The following STOX1 variants were observed in gnomAD, a reference collection of about 807,000 sequenced individuals.
STOX1 encodes storkhead-box protein 1.
STOX1 carries 57 observed loss-of-function variants against 74.8 expected under a neutral mutation model. The observed-to-expected ratio is 0.76, with a 90% CI of 0.62 to 0.95. The LOEUF is 0.95. STOX1 is among the 40% of genes least tolerant of loss of function. The pLI is 0.00. For missense variants in STOX1, 1,010 were observed against 1,117.0 expected, an observed-to-expected ratio of 0.90 and a Z score of 1.37; for synonymous variants, 375 against 401.3, an observed-to-expected ratio of 0.93 and a Z score of 0.78.
chr10:68,863,059 CAGAT>C (rs1341187271), intron 1 of STOX1, among the ~76,000 whole-genome samples: 3 of 152,072 alleles, frequency 2.0e-5, no homozygotes, highest in South Asian at 2.1e-4. Context: ...CTTTCCCAAA[CAGAT>C]AGGCCGATGT....
At chr10:68,831,345 C>T (rs1316356381) in intron 1 of STOX1, among the ~76,000 whole-genome samples, 1 of 152,022 alleles carries the variant, frequency 6.6e-6, no homozygotes, top group Non-Finnish European at 1.5e-5. Context: ...CGCCACCATG[C>T]CCAGCTAATT....
intron 1 of STOX1, among the ~76,000 whole-genome samples, chr10:68,840,016 GC>G (rs1194651699): frequency 6.6e-6 from 1 of 152,152 alleles, no homozygotes; most frequent in African/African-American, 2.4e-5. Flanking sequence ...AGGATAGAGA[GC>G]CCAGAAATAA....
chr10:68,888,627 A>ATTTTT (rs747038041), intron 3 of STOX1, among the ~76,000 whole-genome samples: 46 of 107,818 alleles, frequency 4.3e-4, no homozygotes, highest in African/African-American at 1.2e-3. Flanking sequence ...CTTTGCCAGT[A>ATTTTT]TTTTTTTTTT....
chr10:68,865,278 C>T (rs927579182), intron 1 of STOX1, among the ~76,000 whole-genome samples: 1 of 146,780 alleles, frequency 6.8e-6, no homozygotes, highest in Non-Finnish European at 1.6e-5. Context: ...CCGCAGGAAT[C>T]GTAAATGCAA....
intron 1 of STOX1, chr10:68,828,305 G>C (rs993618650): frequency 2.6e-6 from 3 of 1,168,432 alleles, no homozygotes; most frequent in Non-Finnish European, 3.2e-6. Flanking sequence ...GGCGTCCCGC[G>C]CCAGCTGTGA....
rs182773799 is a variant in STOX1, at chr10:68,861,621, C to G, written c.311-20337C>G. Reference sequence around the variant, plus strand: ...CTTTATAATGGTGAGCTACTTTACCCAGGAGTTGGGATTTGCATCTGCAGA... The same window carrying G: ...CTTTATAATGGTGAGCTACTTTACCGAGGAGTTGGGATTTGCATCTGCAGA... On this transcript the variant is annotated intron_variant, in intron 1 of 3. Transcript: ENST00000298596. Among the ~76,000 whole-genome samples, 3 of 152,204 alleles carry G rather than the reference C, an allele frequency of 2.0e-5. No homozygotes were observed. The East Asian group carries it at 5.8e-4, about 29-fold the overall frequency.
chr10:68,877,216 A>G (rs1051570584), intron 1 of STOX1, among the ~76,000 whole-genome samples: 2 of 152,198 alleles, frequency 1.3e-5, no homozygotes, highest in Admixed American at 6.5e-5. Flanking sequence ...GGGGGAAAAA[A>G]GGCAATTAGT....
At chr10:68,842,775 G>C (rs905961801) in intron 1 of STOX1, among the ~76,000 whole-genome samples, 1 of 151,948 alleles carries the variant, frequency 6.6e-6, no homozygotes, top group South Asian at 2.1e-4. Context: ...TCCTGACCTC[G>C]TGATTCACCT....
At chr10:68,861,779 C>T (rs1409117472) in intron 1 of STOX1, among the ~76,000 whole-genome samples, 1 of 152,096 alleles carries the variant, frequency 6.6e-6, no homozygotes. Context: ...ACTCCAGTTC[C>T]TGGCATTAAG....
At chr10:68,831,028 T>C (rs1401310105) in intron 1 of STOX1, among the ~76,000 whole-genome samples, 1 of 152,178 alleles carries the variant, frequency 6.6e-6, no homozygotes, top group East Asian at 1.9e-4. Context: ...CTTGCTCTCT[T>C]GCCTCTTGCA....
At chr10:68,837,305 A>G (rs1589215347) in intron 1 of STOX1, among the ~76,000 whole-genome samples, 1 of 152,194 alleles carries the variant, frequency 6.6e-6, no homozygotes, top group Non-Finnish European at 1.5e-5. Context: ...AGCACATTTT[A>G]AGTTGAGAGT....
At chr10:68,850,107 C>T (rs1564574113) in intron 1 of STOX1, among the ~76,000 whole-genome samples, 2 of 152,232 alleles carry the variant, frequency 1.3e-5, no homozygotes, top group Middle Eastern at 3.4e-3. Flanking sequence ...CTCCACCTCC[C>T]GGGCTCAAGT....
At chr10:68,893,542 C>T (rs113366068), downstream of STOX1, among the ~76,000 whole-genome samples, 1,720 of 152,168 alleles carry the variant, frequency 0.011, 36 homozygotes, top group African/African-American at 0.038. Context: ...CCCAGCTTCC[C>T]GAGTAGCTGG....
chr10:68,882,185 C>T, intron 2 of STOX1, 75 bp downstream of exon 2: 1 of 1,422,598 alleles, frequency 7.0e-7, no homozygotes, highest in Non-Finnish European at 9.9e-7. Flanking sequence ...GTCTTAAGCA[C>T]ATAAACTGGG....
intron 1 of STOX1, among the ~76,000 whole-genome samples, chr10:68,866,695 C>T (rs117390972): frequency 0.049 from 7,501 of 152,206 alleles, 236 homozygotes; most frequent in Middle Eastern, 0.1. Context: ...GGCAGGGGTC[C>T]GCAGGCTCCT....
chr10:68,831,529 G>A (rs1353435181), intron 1 of STOX1, among the ~76,000 whole-genome samples: 2 of 152,068 alleles, frequency 1.3e-5, no homozygotes, highest in Admixed American at 6.6e-5. Flanking sequence ...AAAAGCATTA[G>A]GGTATAGGAA....
In STOX1 at chr10:68,828,795, G is replaced by A. The variant is rs114033571; in HGVS notation, c.310+862G>A. On this transcript the variant is annotated intron_variant, in intron 1 of 3. Coordinates refer to ENST00000298596, the MANE Select transcript of STOX1 (RefSeq NM_152709.5). ...GTCGGGACCTAGCAGCTTTGGGGTC[G>A]TTAACTTCTTGGGGAAAACAAGTAG... Among the ~76,000 whole-genome samples the A allele has an allele frequency of 2.6e-3, 402 of 152,270 alleles. 3 individuals carry two copies. Among genetic ancestry groups the A allele is most frequent in the African/African-American group, 8.9e-3 (371 of 41,552 alleles).
At chr10:68,832,436 G>A (rs1026961787) in intron 1 of STOX1, among the ~76,000 whole-genome samples, 1 of 152,184 alleles carries the variant, frequency 6.6e-6, no homozygotes, top group Non-Finnish European at 1.5e-5. Flanking sequence ...ACTTTGGGTG[G>A]CTGAGGCAGG....
downstream of STOX1, among the ~76,000 whole-genome samples, chr10:68,893,555 T>C (rs1213457196): frequency 6.6e-6 from 1 of 152,172 alleles, no homozygotes; most frequent in Non-Finnish European, 1.5e-5. Context: ...GTAGCTGGGA[T>C]TACAGGCGCC....
Sources: gnomAD v4.1 joint callset for allele counts (sites outside exome capture counted in the v4.1 genomes callset) on GRCh38, gnomAD v4.1.1 for gene constraint, MANE v1.5 for transcripts, NCBI Gene and HGNC (gene_info 2026-07-23, HGNC 2026-07-21) for gene names.